Variants in DPH5 observed in about 807,000 individuals in gnomAD.
DPH5 encodes the protein diphthamide biosynthesis 5, also known as diphthine methyl ester synthase.
In DPH5, 31 loss-of-function variants were observed where a neutral mutation model predicts 31.6. That is an observed-to-expected ratio of 0.98 (90% CI 0.74 to 1.32). DPH5 has a LOEUF of 1.32. Ranked by LOEUF, DPH5 falls within the 40% of genes most tolerant of loss-of-function variation. The pLI, the probability that DPH5 is intolerant of heterozygous loss-of-function variation, is 0.00. For synonymous variants in DPH5, 120 were observed against 115.0 expected (o/e 1.04, Z -0.28); for missense variants, 309 against 335.7 (o/e 0.92, Z 0.62).
intron 2 of DPH5, 164 bp downstream of exon 2, chr1:101,025,145 G>T: frequency 2.5e-6 from 2 of 791,800 alleles, no homozygotes; most frequent in Non-Finnish European, 3.8e-6. Context: ...TCACTTGGTT[G>T]GTGTAAAATT....
intron 2 of DPH5, among the ~76,000 whole-genome samples, chr1:101,023,599 T>C (rs1185726808): frequency 6.6e-6 from 1 of 152,248 alleles, no homozygotes; most frequent in Non-Finnish European, 1.5e-5. Context: ...AAAATTAACA[T>C]TTAGCTAGCA....
At chr1:100,991,561 G>A (rs1473811020) in intron 7 of DPH5, among the ~76,000 whole-genome samples, 1 of 152,116 alleles carries the variant, frequency 6.6e-6, no homozygotes, top group Non-Finnish European at 1.5e-5. Flanking sequence ...GCTGAGGCAG[G>A]CGGATCGCTT....
chr1:101,018,400 G>A (rs1660229486), intron 3 of DPH5, among the ~76,000 whole-genome samples: 1 of 151,886 alleles, frequency 6.6e-6, no homozygotes, highest in Non-Finnish European at 1.5e-5. Context: ...ACCACGTCTG[G>A]CTACTTTTTT....
intron 4 of DPH5, 87 bp from the exon 5 acceptor site, chr1:101,001,674 T>A: frequency 9.1e-7 from 1 of 1,096,628 alleles, no homozygotes; most frequent in Non-Finnish European, 1.3e-6. Context: ...ACAACCAAAA[T>A]AAAAAGTGAA....
chr1:100,990,733 A>G, intron 7 of DPH5, 102 bp from the exon 8 acceptor site: 3 of 1,083,760 alleles, frequency 2.8e-6, no homozygotes, highest in Non-Finnish European at 4.0e-6. Flanking sequence ...AGAAGCCCCA[A>G]ATATCTTAAA....
At chr1:101,008,839 A>C (rs1346781579) in intron 4 of DPH5, among the ~76,000 whole-genome samples, 1 of 152,188 alleles carries the variant, frequency 6.6e-6, no homozygotes, top group African/African-American at 2.4e-5. Context: ...TAACTCTTCC[A>C]AGCATATGAT....
chr1:101,016,767 T>C (rs545106955), intron 3 of DPH5, among the ~76,000 whole-genome samples: 1 of 152,288 alleles, frequency 6.6e-6, no homozygotes, highest in Non-Finnish European at 1.5e-5. Flanking sequence ...CTATATGCCT[T>C]CCTCATTTCT....
rs746747995 is a variant in DPH5, at chr1:100,992,649, C to T, written c.622G>A (p.Gly208Arg). Residue 208 changes from glycine (G) to arginine (R), a missense_variant, in exon 7 of 8, where the codon GGA (glycine) becomes AGA (arginine). Physicochemically the swap from Gly to Arg is moderately radical, Grantham distance 125. Transcript: ENST00000370109. ...LEIVQNQRIR[G>R]EEPAVTEETL... ...GTGTCTTGAGTACCTGGTTCTTCTCCTCGTATTCTTTGATTTTGAACAATC... is the reference window on the plus strand; with the variant it reads ...GTGTCTTGAGTACCTGGTTCTTCTCTTCGTATTCTTTGATTTTGAACAATC... 1.2e-6 allele frequency: 2 copies of T among 1,613,612 alleles called. No individual in the cohort carries two copies. Among genetic ancestry groups the T allele is most frequent in the South Asian group, 2.2e-5 (2 of 91,040 alleles).
At chr1:101,018,124 T>C (rs1660203817) in intron 3 of DPH5, among the ~76,000 whole-genome samples, 1 of 152,230 alleles carries the variant, frequency 6.6e-6, no homozygotes, top group Non-Finnish European at 1.5e-5. Context: ...ACATGCTTGT[T>C]ACTTGAAATT....
chr1:101,025,529 G>A, intron 1 of DPH5, 63 bp from the exon 2 acceptor site: 1 of 1,521,994 alleles, frequency 6.6e-7, no homozygotes, highest in Non-Finnish European at 8.9e-7. Context: ...ATCTAGTGAT[G>A]AACACGATGA....
chr1:100,990,334 G>T lies in DPH5; in HGVS notation c.*74C>A. The T allele has an allele frequency of 7.3e-7, 1 of 1,362,358 alleles. No homozygotes were observed. Among genetic ancestry groups the T allele is most frequent in the Non-Finnish European group, 1.0e-6 (1 of 963,940 alleles). 84.4% of individuals were successfully genotyped at this position (1,362,358 alleles called of 1,614,324 possible). On this transcript the variant is annotated 3_prime_UTR_variant, in exon 8 of 8. Coordinates refer to ENST00000370109, the MANE Select transcript of DPH5 (RefSeq NM_015958.3). Reference sequence around the variant, plus strand: ...GGATTAAAATTCAAGATGAGACTTGGGTGGGGATACATCCAAACCATATCA... The same window carrying T: ...GGATTAAAATTCAAGATGAGACTTGTGTGGGGATACATCCAAACCATATCA...
chr1:101,001,666 A>T (rs1658877832), intron 4 of DPH5, 79 bp from the exon 5 acceptor site: 1 of 1,167,672 alleles, frequency 8.6e-7, no homozygotes, highest in Non-Finnish European at 1.2e-6. Flanking sequence ...ATCATTTTAC[A>T]ACCAAAATAA....
At chr1:100,992,956 C>A (rs1200601347) in intron 6 of DPH5, among the ~76,000 whole-genome samples, 3 of 152,146 alleles carry the variant, frequency 2.0e-5, no homozygotes, top group Non-Finnish European at 4.4e-5. Context: ...TCTGATCTCA[C>A]TGAAATGATG....
At chr1:101,007,830 G>A (rs1659348650) in intron 4 of DPH5, among the ~76,000 whole-genome samples, 1 of 150,298 alleles carries the variant, frequency 6.7e-6, no homozygotes, top group Non-Finnish European at 1.5e-5. Context: ...TTTATTAAGA[G>A]TGATCCTCAA....
chr1:101,012,405 T>A (rs1374379991), intron 4 of DPH5, among the ~76,000 whole-genome samples: 1 of 152,232 alleles, frequency 6.6e-6, no homozygotes, highest in Non-Finnish European at 1.5e-5. Context: ...TAAGAACCCA[T>A]GACTGTACTC....
chr1:100,994,475 C>T (rs766967339), intron 6 of DPH5, among the ~76,000 whole-genome samples: 4 of 151,498 alleles, frequency 2.6e-5, no homozygotes, highest in Non-Finnish European at 5.9e-5. Flanking sequence ...AAATAAGGCT[C>T]AGAGATGGAA....
At chr1:101,005,829 C>G (rs1219226722) in intron 4 of DPH5, among the ~76,000 whole-genome samples, 1 of 152,006 alleles carries the variant, frequency 6.6e-6, no homozygotes, top group African/African-American at 2.4e-5. Flanking sequence ...ACATATATAA[C>G]ATGGCTTGGC....
At chr1:101,010,505 T>G (rs1244462850) in intron 4 of DPH5, among the ~76,000 whole-genome samples, 4 of 152,232 alleles carry the variant, frequency 2.6e-5, no homozygotes, top group African/African-American at 7.2e-5. Context: ...GAACTCTGCA[T>G]GTTGTTTCTT....
chr1:101,011,876 CTTCTAGCAAT>C, intron 4 of DPH5, among the ~76,000 whole-genome samples: 1 of 137,240 alleles, frequency 7.3e-6, no homozygotes, highest in Admixed American at 7.3e-5. Context: ...TTTTTTCTTT[CTTCTAGCAAT>C]TATCAATTCT....
Sources: allele counts gnomAD v4.1 joint callset (sites outside exome capture counted in the v4.1 genomes callset), GRCh38; gene constraint gnomAD v4.1.1; transcripts MANE v1.5; gene names NCBI Gene and HGNC (gene_info 2026-07-23, HGNC 2026-07-21).